ZNF407: variants seen among roughly 807,000 people sequenced by gnomAD.
The protein encoded by ZNF407 is zinc finger protein 407.
ZNF407 carries 17 observed loss-of-function variants against 131.2 expected under a neutral mutation model. The ratio of observed to expected loss-of-function variants is 0.13; its 90% confidence interval spans 0.09 to 0.19. The LOEUF (loss-of-function observed/expected upper bound fraction) is 0.19. Ranked by LOEUF, ZNF407 falls within the 10% of genes least tolerant of loss-of-function variation. The pLI is 1.00. For synonymous variants in ZNF407, 1,156 were observed against 1,062.0 expected (o/e 1.09, Z -1.72); for missense variants, 2,681 against 2,830.6 (o/e 0.95, Z 1.20).
Position 75,064,144 on chromosome 18 carries a change from G to T in ZNF407, c.6423G>T (p.Glu2141Asp). The T allele has an allele frequency of 6.2e-7, 1 of 1,603,100 alleles. No homozygotes were observed. The highest frequency in any genetic ancestry group is 8.5e-7 in the Non-Finnish European group (1 of 1,174,988). Residue 2141 changes from glutamate to aspartate, a missense_variant, in exon 9 of 9, where the codon GAG (glutamate) becomes GAT (aspartate). Transcript: ENST00000299687. ...EHMDLVESDGEISQIIVTEEL... is the reference protein window; with the variant it reads ...EHMDLVESDGDISQIIVTEEL... ...TGGATCTGGTGGAGTCCGACGGGGA[G>T]ATCTCGCAGATCATCGTGACGGAGG...
chr18:74,611,623 G>A (rs898846635), intron 1 of ZNF407, among the ~76,000 whole-genome samples: 1 of 152,178 alleles, frequency 6.6e-6, no homozygotes, highest in Admixed American at 6.5e-5. Context: ...GAAACAACTG[G>A]AATGCTTATA....
rs187242898 is a variant in ZNF407 at position 74,812,586 on chromosome 18, T to C, written c.4877+31084T>C. ...AGAGAGAGAAAGTTGTGTGAGCGTG[T>C]GTGTGTGTGTTCGTTCTATGAGGTT... On this transcript the variant is annotated intron_variant, in intron 4 of 8. Transcript: ENST00000299687. Among the ~76,000 whole-genome samples, 460 of 152,268 alleles carry C rather than the reference T, an allele frequency of 3.0e-3. 6 individuals are homozygous for C. Among genetic ancestry groups the C allele is most frequent in the African/African-American group, 0.01 (434 of 41,542 alleles).
chr18:74,984,386 A>G (rs1972628371), intron 8 of ZNF407, among the ~76,000 whole-genome samples: 1 of 152,226 alleles, frequency 6.6e-6, no homozygotes, highest in Admixed American at 6.5e-5. Flanking sequence ...TCTAAAATTT[A>G]ATAAGATCAG....
chr18:74,631,132 A>G lies in ZNF407; in HGVS notation c.113A>G (p.Asp38Gly). The change falls in exon 2 of 9, where the codon GAT (aspartate) becomes GGT (glycine). Residue 38 changes from aspartate (D) to glycine (G), a missense_variant. Transcript: ENST00000299687. ...SHNEDGGPVS[D>G]VIASFPENSM... Reference sequence around the variant, plus strand: ...AATGAAGACGGTGGGCCTGTATCTGATGTGATAGCAAGTTTCCCTGAGAAT... The same window carrying G: ...AATGAAGACGGTGGGCCTGTATCTGGTGTGATAGCAAGTTTCCCTGAGAAT... 3 of 1,613,934 alleles carry G rather than the reference A, an allele frequency of 1.9e-6. No homozygotes were observed. The highest frequency in any genetic ancestry group is 2.5e-6 in the Non-Finnish European group (3 of 1,179,874).
intron 1 of ZNF407, among the ~76,000 whole-genome samples, chr18:74,605,368 A>G (rs1027898379): frequency 6.6e-6 from 1 of 152,164 alleles, no homozygotes; most frequent in African/African-American, 2.4e-5. Flanking sequence ...TCACTATGAA[A>G]TGCGTATTAT....
At chr18:74,624,377 A>C (rs1367485028) in intron 1 of ZNF407, among the ~76,000 whole-genome samples, 2 of 152,164 alleles carry the variant, frequency 1.3e-5, no homozygotes, top group Non-Finnish European at 2.9e-5. Context: ...GTGAACTAAA[A>C]ACAACTTTTA....
chr18:74,849,740 A>G lies in ZNF407; in HGVS notation c.4878-27457A>G, dbSNP rs1393655843. Among the ~76,000 whole-genome samples, 6 of 152,316 alleles carry G rather than the reference A, an allele frequency of 3.9e-5. No individual in the cohort carries two copies. In the East Asian group the frequency reaches 7.7e-4, roughly 20 times the overall value. On this transcript the variant is annotated intron_variant, in intron 4 of 8. Coordinates refer to ENST00000299687, the MANE Select transcript of ZNF407 (RefSeq NM_017757.3). ...AGGAGATTCCCTGAGACTTACCACCATGGGTAGCATGCTTCTGGAGGAAAT... is the reference window on the plus strand; with the variant it reads ...AGGAGATTCCCTGAGACTTACCACCGTGGGTAGCATGCTTCTGGAGGAAAT...
chr18:74,994,236 G>C (rs1822030515), intron 8 of ZNF407, among the ~76,000 whole-genome samples: 1 of 144,746 alleles, frequency 6.9e-6, no homozygotes, highest in African/African-American at 2.6e-5. Flanking sequence ...CTCCCAAATG[G>C]CTCATAAAAA....
At chr18:74,827,134 G>A (rs1284047662) in intron 4 of ZNF407, among the ~76,000 whole-genome samples, 1 of 152,172 alleles carries the variant, frequency 6.6e-6, no homozygotes, top group Non-Finnish European at 1.5e-5. Context: ...CTAGAGGCTA[G>A]TTGTTTGGAA....
chr18:74,846,121 C>T (rs935862385), intron 4 of ZNF407, among the ~76,000 whole-genome samples: 3 of 151,988 alleles, frequency 2.0e-5, no homozygotes, highest in Admixed American at 1.3e-4. Context: ...GCTAGTGAAT[C>T]AGGAGGAAAT....
At position 75,063,415 on chromosome 18, in the gene ZNF407, G is replaced by C. The variant is rs554337600; in HGVS notation, c.5694G>C (p.Gln1898His). Reference sequence around the variant, plus strand: ...TGCAGACGCTGGCCATGGCCGGCCAGGTGGCCCGGGTGGTGCATATCACGG... The same window carrying C: ...TGCAGACGCTGGCCATGGCCGGCCACGTGGCCCGGGTGGTGCATATCACGG... ...ATLQTLAMAGQVARVVHITED... is the reference protein window; with the variant it reads ...ATLQTLAMAGHVARVVHITED... The change falls in exon 9 of 9, where the codon CAG (glutamine) becomes CAC (histidine). Residue 1898 changes from glutamine (Q) to histidine (H), a missense_variant. Gln to His is a conservative substitution (Grantham distance 24). This residue lies in a region of ZNF407 where 620 missense variants were observed against 583.1 expected (regional missense o/e 1.06). Transcript: ENST00000299687. This position sits in a 1 kb window ranked among gnomAD's most constrained non-coding sequence, Gnocchi z 6.6. 9 of 1,610,170 alleles carry C rather than the reference G, an allele frequency of 5.6e-6. No individual in the cohort carries two copies. The Admixed American group carries it at 6.7e-5, about 12-fold the overall frequency.
chr18:74,746,836 A>G (rs945269070), intron 3 of ZNF407, among the ~76,000 whole-genome samples: 5 of 152,198 alleles, frequency 3.3e-5, no homozygotes, highest in Admixed American at 3.3e-4. Flanking sequence ...AGTAATGACA[A>G]AAAGTATTAT....
intron 7 of ZNF407, chr18:74,905,206 A>C (rs1247245585): frequency 6.6e-6 from 1 of 152,266 alleles, no homozygotes; most frequent in African/African-American, 2.4e-5. Context: ...GTAAAAAGTC[A>C]ACACATAGGA....
intron 3 of ZNF407, among the ~76,000 whole-genome samples, chr18:74,772,142 T>C (rs532737050): frequency 3.9e-4 from 59 of 152,322 alleles, no homozygotes; most frequent in Admixed American, 1.0e-3. Context: ...AAGTCACTTA[T>C]CTTGTCTGAG....
chr18:74,723,541 A>G (rs180923179), intron 3 of ZNF407, among the ~76,000 whole-genome samples: 1 of 152,308 alleles, frequency 6.6e-6, no homozygotes, highest in Non-Finnish European at 1.5e-5. Context: ...TTTAATTGCC[A>G]TCTGCCTTCT....
intron 4 of ZNF407, among the ~76,000 whole-genome samples, chr18:74,836,883 C>T (rs2145125836): frequency 6.6e-6 from 1 of 152,256 alleles, no homozygotes; most frequent in African/African-American, 2.4e-5. Context: ...GGTTCCTCTG[C>T]ATGGATCACC....
intron 8 of ZNF407, among the ~76,000 whole-genome samples, chr18:75,027,249 T>A (rs75765747): frequency 0.012 from 1,771 of 152,274 alleles, 35 homozygotes; most frequent in African/African-American, 0.04. Flanking sequence ...CCAACCAGTG[T>A]GGCCAAAAGG....
At chr18:74,981,803 G>C (rs537414708) in intron 8 of ZNF407, among the ~76,000 whole-genome samples, 1 of 152,114 alleles carries the variant, frequency 6.6e-6, no homozygotes, top group Admixed American at 6.5e-5. Flanking sequence ...ATTTTACTTT[G>C]CTTTAAGCTA....
In ZNF407 at chr18:74,836,964, C is replaced by A. The variant is rs539866045; in HGVS notation, c.4878-40233C>A. On this transcript the variant is annotated intron_variant, in intron 4 of 8. Transcript: ENST00000299687. ...ATCAGTGATGAGGCCCTTTACCAAC[C>A]TGACTCAAGTGGAAATGTGCTACTG... 3.9e-5 allele frequency among the ~76,000 whole-genome samples: 6 copies of A among 152,252 alleles called. No homozygotes were observed. In the South Asian group the frequency reaches 1.2e-3, roughly 32 times the overall value.
Sources: gnomAD v4.1 joint callset for allele counts (sites outside exome capture counted in the v4.1 genomes callset) on GRCh38, gnomAD v4.1.1 for gene constraint, gnomAD v4.1.1 regional missense constraint, Gnocchi (gnomAD v3.1) non-coding constraint, MANE v1.5 for transcripts, NCBI Gene and HGNC (gene_info 2026-07-23, HGNC 2026-07-21) for gene names.